Variants in TENM4 observed in about 807,000 individuals in gnomAD.
TENM4 encodes teneurin-4.
TENM4 carries 82 observed loss-of-function variants against 243.3 expected under a neutral mutation model. The observed-to-expected ratio is 0.34, with a 90% CI of 0.28 to 0.40. The LOEUF is 0.40. Ranked by LOEUF, TENM4 falls within the 10% of genes least tolerant of loss-of-function variation. The pLI is 1.00. For missense variants in TENM4, 3,138 were observed against 3,673.3 expected (o/e 0.85, Z 3.77); for synonymous variants, 1,412 against 1,456.3 (o/e 0.97, Z 0.69).
At chr11:79,402,424 A>G (rs967201801) in intron 1 of TENM4, among the ~76,000 whole-genome samples, 1 of 152,214 alleles carries the variant, frequency 6.6e-6, no homozygotes, top group African/African-American at 2.4e-5. Flanking sequence ...AGCTACAACA[A>G]TATGCTTGTA....
At chr11:78,811,650 C>T (rs1857504866) in intron 14 of TENM4, among the ~76,000 whole-genome samples, 1 of 152,070 alleles carries the variant, frequency 6.6e-6, no homozygotes. Context: ...AATAGAATCA[C>T]ACTTCAGAAA....
intron 28 of TENM4, among the ~76,000 whole-genome samples, chr11:78,696,110 G>A (rs1371874471): frequency 6.6e-6 from 1 of 151,604 alleles, no homozygotes; most frequent in Non-Finnish European, 1.5e-5. Flanking sequence ...TTTAGTTTGG[G>A]TAATTTCTAT....
chr11:79,256,424 A>C (rs1486405875), intron 2 of TENM4, among the ~76,000 whole-genome samples: 1 of 152,204 alleles, frequency 6.6e-6, no homozygotes, highest in Admixed American at 6.5e-5. Flanking sequence ...AAAGAGGGTA[A>C]CTGCTTTGCC....
At chr11:78,814,654 A>G (rs943390123) in intron 12 of TENM4, among the ~76,000 whole-genome samples, 1 of 152,256 alleles carries the variant, frequency 6.6e-6, no homozygotes, top group Non-Finnish European at 1.5e-5. Context: ...CTACAAACAC[A>G]TTAGAGATTC....
intron 6 of TENM4, among the ~76,000 whole-genome samples, chr11:78,914,415 G>A (rs945660070): frequency 6.6e-6 from 1 of 152,196 alleles, no homozygotes; most frequent in African/African-American, 2.4e-5. Context: ...AGACCAGGAA[G>A]TTACCTGGAG....
Position 78,854,294 on chromosome 11 carries a change from C to G in TENM4, c.1491G>C (p.Leu497=), listed in dbSNP as rs1393120817. Reference sequence around the variant, plus strand: ...CCTGGGTTAGGAGCCTCCTGCCATCCAGCAGCTCCACAAAGTCAAACTGAA... The same window carrying G: ...CCTGGGTTAGGAGCCTCCTGCCATCGAGCAGCTCCACAAAGTCAAACTGAA... The part of the protein sequence containing the change: ...SHTQFDFVEL[L]DGRRLLTQEA... Residue 497 remains leucine (L), a synonymous_variant, in exon 12 of 34, where the codon CTG becomes CTC. Transcript: ENST00000278550. The G allele has an allele frequency of 6.6e-7, 1 of 1,513,536 alleles. No homozygotes were observed. 93.8% of individuals were successfully genotyped at this position (1,513,536 alleles called of 1,614,324 possible).
chr11:79,142,834 C>A (rs181465551), intron 4 of TENM4, among the ~76,000 whole-genome samples: 1 of 152,040 alleles, frequency 6.6e-6, no homozygotes, highest in Non-Finnish European at 1.5e-5. Flanking sequence ...ATCTGCATAC[C>A]TACAGTGAAC....
intron 15 of TENM4, among the ~76,000 whole-genome samples, chr11:78,787,293 C>G (rs1301522233): frequency 6.6e-6 from 1 of 152,196 alleles, no homozygotes; most frequent in Non-Finnish European, 1.5e-5. Flanking sequence ...CAATGACCCT[C>G]AGATGAGAAC....
In TENM4 at chr11:79,139,749, A is replaced by T. The variant is rs370449703; in HGVS notation, c.-66+8961T>A. ...ATATATTATATTTATATAAATATAT[A>T]ATATATATTATATTTATATAAATAT... On this transcript the variant is annotated intron_variant, in intron 4 of 33. Transcript: ENST00000278550. Among the ~76,000 whole-genome samples, 69 of 59,394 alleles carry T rather than the reference A, an allele frequency of 1.2e-3. 9 individuals carry two copies. Among genetic ancestry groups the T allele is most frequent in the African/African-American group, 3.5e-3 (31 of 8,874 alleles). The allele number at this position is 59,394 out of a possible 152,430, so 39.0% of individuals were successfully genotyped here. A position where few individuals can be genotyped will look rare whatever the true frequency, so the allele number is the denominator to read the frequency against.
Position 78,658,614 on chromosome 11 carries a change from C to G in TENM4, c.7754G>C (p.Ser2585Thr). 2.5e-6 allele frequency: 4 copies of G among 1,614,032 alleles called. No homozygotes were observed. Among genetic ancestry groups the G allele is most frequent in the Non-Finnish European group, 3.4e-6 (4 of 1,179,892 alleles). ...CCTTCGCCCATCCTCATTGGCCACA[C>G]TGATGATGTCTGTGGTCACTCGGCC... ...KDGRVTTDII[S>T]VANEDGRRVA... The change falls in exon 34 of 34, where the codon AGT becomes ACT. Residue 2585 changes from serine (S) to threonine (T), a missense_variant. Coordinates refer to ENST00000278550, the MANE Select transcript of TENM4 (RefSeq NM_001098816.3).
intron 3 of TENM4, among the ~76,000 whole-genome samples, chr11:79,208,083 G>A (rs531339975): frequency 6.6e-6 from 1 of 152,012 alleles, no homozygotes; most frequent in South Asian, 2.1e-4. Flanking sequence ...TAACATCCTG[G>A]AATTCTTGCT....
At chr11:79,133,969 T>C (rs943857956) in intron 4 of TENM4, among the ~76,000 whole-genome samples, 12 of 152,182 alleles carry the variant, frequency 7.9e-5, no homozygotes, top group Admixed American at 7.2e-4. Context: ...TCACTCTTCT[T>C]CAACACAACA....
chr11:79,191,981 C>G (rs576459570), intron 3 of TENM4, among the ~76,000 whole-genome samples: 2 of 151,748 alleles, frequency 1.3e-5, no homozygotes, highest in Admixed American at 1.3e-4. Context: ...GCCGCCCCGT[C>G]GGGGAGGTGA....
intron 2 of TENM4, among the ~76,000 whole-genome samples, chr11:79,228,043 T>C (rs750040775): frequency 6.6e-6 from 1 of 152,200 alleles, no homozygotes; most frequent in Non-Finnish European, 1.5e-5. Flanking sequence ...TAGTGACTGC[T>C]GAGAGACAGG....
At chr11:78,838,674 A>G (rs989483138) in intron 12 of TENM4, among the ~76,000 whole-genome samples, 5 of 152,242 alleles carry the variant, frequency 3.3e-5, no homozygotes, top group Non-Finnish European at 7.3e-5. Flanking sequence ...CATGTAAGAA[A>G]AATGGAGGAG....
intron 1 of TENM4, among the ~76,000 whole-genome samples, chr11:79,336,774 C>T (rs1331831418): frequency 6.6e-6 from 1 of 152,180 alleles, no homozygotes; most frequent in Non-Finnish European, 1.5e-5. Flanking sequence ...TTTCTAGAAC[C>T]ATTAGAAGGC....
intron 3 of TENM4, among the ~76,000 whole-genome samples, chr11:79,192,090 GT>G (rs1280458236): frequency 6.9e-6 from 1 of 145,308 alleles, no homozygotes; most frequent in Non-Finnish European, 1.5e-5. Context: ...CGGGAGGGAG[GT>G]GGGGGGGGGT....
At chr11:78,845,300 C>T (rs375746862) in intron 12 of TENM4, among the ~76,000 whole-genome samples, 6 of 152,340 alleles carry the variant, frequency 3.9e-5, no homozygotes, top group Middle Eastern at 3.4e-3. Context: ...TGAGTACCTA[C>T]CACAAATCCT....
chr11:78,789,078 G>C (rs1331205158), intron 15 of TENM4, among the ~76,000 whole-genome samples: 1 of 152,142 alleles, frequency 6.6e-6, no homozygotes, highest in Non-Finnish European at 1.5e-5. Flanking sequence ...CCCGAGGCTG[G>C]TCTAATTCCT....
Sources: allele counts gnomAD v4.1 joint callset (sites outside exome capture counted in the v4.1 genomes callset), GRCh38; gene constraint gnomAD v4.1.1; transcripts MANE v1.5; gene names NCBI Gene and HGNC (gene_info 2026-07-23, HGNC 2026-07-21).